The following CYYR1 variants were observed in gnomAD, a reference collection of about 807,000 sequenced individuals.
CYYR1 encodes the protein cysteine and tyrosine rich 1.
In CYYR1, 14 loss-of-function variants were observed where a neutral mutation model predicts 15.2. The observed-to-expected ratio is 0.92, with a 90% CI of 0.61 to 1.44. The LOEUF is 1.44. CYYR1 is among the 40% of genes most tolerant of loss of function. The probability of loss-of-function intolerance (pLI) is 0.00; values close to 1 mark genes in which losing one functional copy is unlikely to be tolerated. For missense variants in CYYR1, 228 were observed against 209.5 expected (o/e 1.09, Z -0.54); for synonymous variants, 80 against 77.4 (o/e 1.03, Z -0.18).
chr21:26,503,514 G>T (rs190478812), intron 2 of CYYR1: 1 of 151,958 alleles, frequency 6.6e-6, no homozygotes, highest in Non-Finnish European at 1.5e-5. Context: ...TATAATATTC[G>T]TATGTGTGTG....
intron 2 of CYYR1, among the ~76,000 whole-genome samples, chr21:26,542,575 G>T (rs1978650847): frequency 6.6e-6 from 1 of 151,802 alleles, no homozygotes; most frequent in East Asian, 1.9e-4. Flanking sequence ...TTTTTCCTAT[G>T]TTCCAGAACA....
chr21:26,520,477 C>T lies in CYYR1; in HGVS notation c.177-40048G>A, dbSNP rs199628255. 1.2e-4 allele frequency among the ~76,000 whole-genome samples: 19 copies of T among 152,166 alleles called. No individual in the cohort carries two copies. The East Asian group carries it at 3.3e-3, about 26-fold the overall frequency. On this transcript the variant is annotated intron_variant, in intron 2 of 3. Transcript: ENST00000652641. Reference sequence around the variant, plus strand: ...ACCACATTTTCTTTATCCAGCCTATCGTTGATGGGCATTTGGGTTGGTTCC... The same window carrying T: ...ACCACATTTTCTTTATCCAGCCTATTGTTGATGGGCATTTGGGTTGGTTCC...
intron 2 of CYYR1, among the ~76,000 whole-genome samples, chr21:26,520,782 T>C (rs183548953): frequency 3.9e-5 from 6 of 152,324 alleles, no homozygotes; most frequent in Admixed American, 3.9e-4. Context: ...CTGACTGGCA[T>C]GAGATGGTAT....
At chr21:26,534,596 T>C (rs147210806) in intron 2 of CYYR1, among the ~76,000 whole-genome samples, 116 of 152,266 alleles carry the variant, frequency 7.6e-4, no homozygotes, top group African/African-American at 2.6e-3. Context: ...CTCAGTATCG[T>C]TGCCACTTAA....
At chr21:26,554,023 T>C (rs1174250658) in intron 2 of CYYR1, among the ~76,000 whole-genome samples, 2 of 152,254 alleles carry the variant, frequency 1.3e-5, no homozygotes, top group African/African-American at 2.4e-5. Context: ...ATGTAGGTTA[T>C]GCACAATATC....
In CYYR1 at chr21:26,500,588, G is replaced by C. The variant is rs146867575; in HGVS notation, c.177-20159C>G. 6.8e-3 allele frequency among the ~76,000 whole-genome samples: 1,030 copies of C among 152,302 alleles called. 11 individuals carry two copies. Among genetic ancestry groups the C allele is most frequent in the African/African-American group, 0.024 (988 of 41,566 alleles). ...TAGAGAGGCCCAGTGGCTTAGGACA[G>C]TACTTATCAGGAGCTGAACAAGAAC... On this transcript the variant is annotated intron_variant, in intron 2 of 3. Transcript: ENST00000652641.
chr21:26,550,071 C>T (rs553995696), intron 2 of CYYR1, among the ~76,000 whole-genome samples: 1 of 152,272 alleles, frequency 6.6e-6, no homozygotes, highest in South Asian at 2.1e-4. Flanking sequence ...CTTTGTGTTT[C>T]TGTGTCACAT....
chr21:26,492,097 G>T (rs754347492), intron 2 of CYYR1, among the ~76,000 whole-genome samples: 12 of 152,136 alleles, frequency 7.9e-5, no homozygotes, highest in Non-Finnish European at 1.6e-4. Context: ...TTCCTCTTAG[G>T]GTCTAGCTTC....
At chr21:26,509,734 T>A (rs1363513270) in intron 2 of CYYR1, among the ~76,000 whole-genome samples, 1 of 152,212 alleles carries the variant, frequency 6.6e-6, no homozygotes, top group African/African-American at 2.4e-5. Context: ...ATGGCTTCCA[T>A]GTTTGCTACC....
chr21:26,520,113 G>GATAGATATATATATATAT (rs1323824516), intron 2 of CYYR1, among the ~76,000 whole-genome samples: 13 of 120,668 alleles, frequency 1.1e-4, no homozygotes, highest in African/African-American at 4.4e-4. Context: ...AAACCCAGGA[G>GATAGATATATATATATAT]ATATATATAT....
chr21:26,568,302 T>C (rs569938745), intron 1 of CYYR1: 2 of 152,272 alleles, frequency 1.3e-5, no homozygotes, highest in South Asian at 4.1e-4. Flanking sequence ...TTAAAAGCCA[T>C]TCAATGTACG....
At chr21:26,535,426 G>A (rs1314808125) in intron 2 of CYYR1, among the ~76,000 whole-genome samples, 1 of 151,980 alleles carries the variant, frequency 6.6e-6, no homozygotes, top group African/African-American at 2.4e-5. Flanking sequence ...AGGGGGAGAG[G>A]GAAAGTTATA....
intron 2 of CYYR1, among the ~76,000 whole-genome samples, chr21:26,516,897 C>A (rs1473232894): frequency 6.6e-6 from 1 of 151,428 alleles, no homozygotes; most frequent in African/African-American, 2.4e-5. Context: ...GGGCGGATCA[C>A]GAGGTCAGGA....
intron 2 of CYYR1, among the ~76,000 whole-genome samples, chr21:26,538,483 T>C (rs1569165847): frequency 6.6e-6 from 1 of 152,176 alleles, no homozygotes; most frequent in Non-Finnish European, 1.5e-5. Flanking sequence ...TTTATTTCTC[T>C]CAATATTTTA....
At chr21:26,496,792 A>C (rs1298232386) in intron 2 of CYYR1, among the ~76,000 whole-genome samples, 2 of 152,216 alleles carry the variant, frequency 1.3e-5, no homozygotes, top group Non-Finnish European at 2.9e-5. Context: ...CAATACTTAT[A>C]GAATATTTAT....
chr21:26,564,834 T>A (rs778628911), intron 2 of CYYR1: 1 of 1,219,342 alleles, frequency 8.2e-7, no homozygotes, highest in South Asian at 1.6e-5. Context: ...ATCTGGTATG[T>A]GGAGACAGTT....
intron 2 of CYYR1, chr21:26,483,375 T>G: frequency 1.2e-6 from 1 of 800,542 alleles, no homozygotes. Flanking sequence ...TTTGATGTTT[T>G]CTTCAAATGT....
chr21:26,501,432 T>C (rs1195512462), intron 2 of CYYR1, among the ~76,000 whole-genome samples: 1 of 152,228 alleles, frequency 6.6e-6, no homozygotes. Context: ...AGACAAATCA[T>C]GTTGTGCAAT....
At chr21:26,542,244 G>C (rs1247252622) in intron 2 of CYYR1, among the ~76,000 whole-genome samples, 1 of 139,936 alleles carries the variant, frequency 7.1e-6, no homozygotes, top group African/African-American at 2.6e-5. Context: ...GGACGGGGGC[G>C]GGGCGGGAGA....
Sources: gnomAD v4.1 joint callset for allele counts (sites outside exome capture counted in the v4.1 genomes callset) on GRCh38, gnomAD v4.1.1 for gene constraint, MANE v1.5 for transcripts, NCBI Gene and HGNC (gene_info 2026-07-23, HGNC 2026-07-21) for gene names.